KANK1: variants seen among roughly 807,000 people sequenced by gnomAD.
KANK1 encodes KN motif and ankyrin repeat domain-containing protein 1.
A neutral mutation model predicts 106.2 loss-of-function variants in KANK1; 109 were observed. The observed-to-expected ratio is 1.03, with a 90% confidence interval of 0.88 to 1.20. KANK1 has a LOEUF of 1.20. Among genes scored for constraint, KANK1 ranks in the 50% most tolerant of loss-of-function variants. The pLI is 0.00. For missense variants in KANK1, 2,399 were observed against 1,710.7 expected, an observed-to-expected ratio of 1.40 and a Z score of -7.10; for synonymous variants, 873 against 652.2, an observed-to-expected ratio of 1.34 and a Z score of -5.16.
At chr9:578,149 A>G (rs1205205358) in intron 1 of KANK1, among the ~76,000 whole-genome samples, 1 of 152,216 alleles carries the variant, frequency 6.6e-6, no homozygotes, top group African/African-American at 2.4e-5. Flanking sequence ...GAGCCAAATG[A>G]GGACTCCTCA....
Position 711,446 on chromosome 9 carries a change from C to G in KANK1, c.680C>G (p.Pro227Arg). ...QGNGDYGSYAPAAPTTSSMGS... is the reference protein window; with the variant it reads ...QGNGDYGSYARAAPTTSSMGS... ...AATGGGGATTATGGTAGCTATGCCCCAGCTGCTCCCACCACTTCCTCCATG... is the reference window on the plus strand; with the variant it reads ...AATGGGGATTATGGTAGCTATGCCCGAGCTGCTCCCACCACTTCCTCCATG... Residue 227 changes from proline to arginine, a missense_variant, in exon 3 of 12, where the codon CCA (proline) becomes CGA (arginine). Coordinates refer to ENST00000382297, the MANE Select transcript of KANK1 (RefSeq NM_015158.5). 6.2e-7 allele frequency: 1 copy of G among 1,614,134 alleles called. No individual in the cohort carries two copies. Among genetic ancestry groups the G allele is most frequent in the Non-Finnish European group, 8.5e-7 (1 of 1,180,028 alleles).
At chr9:674,936 C>G (rs1188193223) in intron 1 of KANK1, among the ~76,000 whole-genome samples, 1 of 152,074 alleles carries the variant, frequency 6.6e-6, no homozygotes, top group African/African-American at 2.4e-5. Flanking sequence ...AACTCCTGAC[C>G]TCAGGTGATC....
At chr9:587,964 G>A (rs1465471163) in intron 1 of KANK1, among the ~76,000 whole-genome samples, 1 of 152,130 alleles carries the variant, frequency 6.6e-6, no homozygotes, top group African/African-American at 2.4e-5. Flanking sequence ...TACTAGAGAG[G>A]CTGAGGCAGG....
chr9:505,033 G>T (rs2058681109), intron 1 of KANK1, among the ~76,000 whole-genome samples: 1 of 151,774 alleles, frequency 6.6e-6, no homozygotes, highest in Non-Finnish European at 1.5e-5. Context: ...GGCGGCGCTC[G>T]GCCGGTCTGG....
intron 1 of KANK1, among the ~76,000 whole-genome samples, chr9:629,258 G>A (rs888939585): frequency 2.0e-5 from 3 of 152,084 alleles, no homozygotes; most frequent in African/African-American, 7.3e-5. Context: ...AGGGGAGTAA[G>A]CCATGTTCTT....
Position 718,324 on chromosome 9 carries a change from T to TTTTA in KANK1, c.2698+4860_2698+4861insTTTA, listed in dbSNP as rs869182633. On this transcript the variant is annotated intron_variant, in intron 3 of 11. Transcript: ENST00000382297. Reference sequence around the variant, plus strand: ...TTTTTTTTTTTTTTTTTTTTTTTTTTACTCTTAAGACAGGGTCTCACTCTG... The same window carrying TTTTA: ...TTTTTTTTTTTTTTTTTTTTTTTTTTTTTAACTCTTAAGACAGGGTCTCACTCTG... Among the ~76,000 whole-genome samples the TTTTA allele has an allele frequency of 3.6e-4, 47 of 132,216 alleles. 2 individuals carry two copies. The East Asian group carries it at 0.013, about 35-fold the overall frequency. The allele number at this position is 132,216 out of a possible 152,430, so 86.7% of individuals were successfully genotyped here. A position where few individuals can be genotyped will look rare whatever the true frequency, so the allele number is the denominator to read the frequency against.
At chr9:566,558 G>A (rs1817858467) in intron 1 of KANK1, among the ~76,000 whole-genome samples, 1 of 152,194 alleles carries the variant, frequency 6.6e-6, no homozygotes, top group Admixed American at 6.5e-5. Context: ...ATTCTGACAG[G>A]TGCGAGATGG....
At chr9:534,579 C>G (rs888535661) in intron 1 of KANK1, among the ~76,000 whole-genome samples, 1 of 152,220 alleles carries the variant, frequency 6.6e-6, no homozygotes, top group Non-Finnish European at 1.5e-5. Flanking sequence ...TTATCTTGAT[C>G]ACTCCTAGCG....
chr9:640,553 A>T (rs1838184612), intron 1 of KANK1, among the ~76,000 whole-genome samples: 1 of 151,998 alleles, frequency 6.6e-6, no homozygotes, highest in East Asian at 1.9e-4. Flanking sequence ...GCCTACCATC[A>T]TGCCCAGCTA....
rs750939166 is a variant in KANK1, at chr9:713,225, T to C, written c.2459T>C (p.Met820Thr). ...CAGCCTCAAGCTCCACTTGGAATGA[T>C]GACTGGCCTGGATCACTACATTGAG... ...NPQPQAPLGM[M>T]TGLDHYIERI... Residue 820 changes from methionine (M) to threonine (T), a missense_variant, in exon 3 of 12, where the codon ATG becomes ACG. Coordinates refer to ENST00000382297, the MANE Select transcript of KANK1 (RefSeq NM_015158.5). The C allele has an allele frequency of 6.3e-7, 1 of 1,598,814 alleles. No individual in the cohort carries two copies. Among genetic ancestry groups the C allele is most frequent in the Non-Finnish European group, 8.5e-7 (1 of 1,172,700 alleles).
At chr9:675,681 G>A (rs1000613157) in intron 1 of KANK1, among the ~76,000 whole-genome samples, 4 of 152,090 alleles carry the variant, frequency 2.6e-5, no homozygotes, top group African/African-American at 9.7e-5. Context: ...CTGGAAAGGG[G>A]TCTTAATCCA....
intron 3 of KANK1, among the ~76,000 whole-genome samples, chr9:494,748 C>T (rs940333915): frequency 1.3e-5 from 2 of 152,112 alleles, no homozygotes; most frequent in Non-Finnish European, 2.9e-5. Context: ...TAGCATCCTG[C>T]CCCGCTACTG....
At chr9:720,829 G>C (rs1481676070) in intron 3 of KANK1, among the ~76,000 whole-genome samples, 2 of 152,070 alleles carry the variant, frequency 1.3e-5, no homozygotes, top group Admixed American at 6.5e-5. Flanking sequence ...TATTGTTCAG[G>C]GAGCATTTAC....
intron 2 of KANK1, among the ~76,000 whole-genome samples, chr9:692,548 C>T (rs1820230343): frequency 6.9e-6 from 1 of 145,628 alleles, no homozygotes. Flanking sequence ...AGCTGTTTTA[C>T]ATACCATAGA....
chr9:740,423 A>G (rs1835109167), intron 8 of KANK1, among the ~76,000 whole-genome samples: 1 of 152,184 alleles, frequency 6.6e-6, no homozygotes, highest in South Asian at 2.1e-4. Flanking sequence ...ATAGCTCACT[A>G]CCTGCTTCAC....
intron 8 of KANK1, 55 bp downstream of exon 8, chr9:738,559 C>A: frequency 7.1e-7 from 1 of 1,405,924 alleles, no homozygotes; most frequent in Non-Finnish European, 1.0e-6. Context: ...GGTTGTGACT[C>A]ATCTCAGAGA....
At chr9:475,895 C>T (rs1242220068) in intron 3 of KANK1, among the ~76,000 whole-genome samples, 3 of 151,894 alleles carry the variant, frequency 2.0e-5, no homozygotes, top group African/African-American at 4.8e-5. Flanking sequence ...CTCTGTTGCC[C>T]AGGCTGGAGT....
At chr9:614,854 T>C (rs1831420213) in intron 1 of KANK1, among the ~76,000 whole-genome samples, 1 of 152,206 alleles carries the variant, frequency 6.6e-6, no homozygotes, top group Admixed American at 6.5e-5. Context: ...AAACTTCTGC[T>C]CATTCATATT....
intron 1 of KANK1, among the ~76,000 whole-genome samples, chr9:556,690 G>A (rs2061606129): frequency 5.5e-5 from 1 of 18,030 alleles, no homozygotes; most frequent in Non-Finnish European, 1.1e-4. Flanking sequence ...AGCCCCTTTG[G>A]TACTTTTCTC....
Sources: allele counts gnomAD v4.1 joint callset (sites outside exome capture counted in the v4.1 genomes callset), GRCh38; gene constraint gnomAD v4.1.1; transcripts MANE v1.5; gene names NCBI Gene and HGNC (gene_info 2026-07-23, HGNC 2026-07-21).